The following BCAR3 variants were observed in gnomAD, a reference collection of about 807,000 sequenced individuals.
BCAR3 encodes breast cancer anti-estrogen resistance protein 3.
A neutral mutation model predicts 80.1 loss-of-function variants in BCAR3; 37 were observed. The ratio of observed to expected loss-of-function variants is 0.46; its 90% confidence interval spans 0.36 to 0.61. The LOEUF is 0.61. BCAR3 is among the 20% of genes least tolerant of loss of function. The pLI, the probability that BCAR3 is intolerant of heterozygous loss-of-function variation, is 0.00. For synonymous variants in BCAR3, 389 were observed against 418.9 expected (o/e 0.93, Z 0.87); for missense variants, 978 against 1,068.2 (o/e 0.92, Z 1.18).
chr1:93,768,564 C>T (rs928155982), intron 2 of BCAR3, among the ~76,000 whole-genome samples: 2 of 152,134 alleles, frequency 1.3e-5, no homozygotes, highest in African/African-American at 4.8e-5. Context: ...ACTAGGAGAA[C>T]TTAAAACCGG....
At chr1:93,701,281 C>T (rs115113230) in intron 3 of BCAR3, among the ~76,000 whole-genome samples, 1,907 of 152,314 alleles carry the variant, frequency 0.013, 16 homozygotes, top group Non-Finnish European at 0.019. Flanking sequence ...TCCGCTGTCA[C>T]TGGTTCCCTT....
chr1:93,821,873 T>G (rs1654235005), intron 2 of BCAR3, among the ~76,000 whole-genome samples: 1 of 152,222 alleles, frequency 6.6e-6, no homozygotes, highest in Non-Finnish European at 1.5e-5. Flanking sequence ...TTAAATATCT[T>G]GCCTGAGGTC....
intron 2 of BCAR3, among the ~76,000 whole-genome samples, chr1:93,752,458 T>C (rs547464601): frequency 2.0e-5 from 3 of 152,318 alleles, no homozygotes; most frequent in Non-Finnish European, 4.4e-5. Flanking sequence ...GCTGCAGACA[T>C]TTGTCCTCAA....
intron 2 of BCAR3, among the ~76,000 whole-genome samples, chr1:93,804,964 T>G (rs1255411277): frequency 1.3e-5 from 2 of 152,248 alleles, no homozygotes; most frequent in Non-Finnish European, 2.9e-5. Context: ...CATGTTTAAT[T>G]TATTTTAAAA....
intron 2 of BCAR3, among the ~76,000 whole-genome samples, chr1:93,770,715 T>A (rs1232165566): frequency 6.6e-6 from 1 of 152,144 alleles, no homozygotes; most frequent in Non-Finnish European, 1.5e-5. Flanking sequence ...GTGGGAGAAC[T>A]AGTCATAGGC....
intron 2 of BCAR3, among the ~76,000 whole-genome samples, chr1:93,651,425 G>A (rs911940642): frequency 5.3e-5 from 8 of 152,228 alleles, no homozygotes; most frequent in African/African-American, 1.9e-4. Flanking sequence ...AAGCTAGCAT[G>A]TGAGAGCAGA....
intron 2 of BCAR3, among the ~76,000 whole-genome samples, chr1:93,752,361 C>A (rs531817148): frequency 6.6e-6 from 1 of 152,338 alleles, no homozygotes; most frequent in South Asian, 2.1e-4. Flanking sequence ...CCTTCCCAGG[C>A]TAGGGCCAAT....
chr1:93,738,217 A>G (rs1294082212), intron 2 of BCAR3, among the ~76,000 whole-genome samples: 3 of 152,180 alleles, frequency 2.0e-5, no homozygotes, highest in Non-Finnish European at 2.9e-5. Flanking sequence ...TAGTTTTTTC[A>G]TCTTCAAAGT....
At position 93,787,675 on chromosome 1, in the gene BCAR3, A is replaced by G. The variant is rs369518978; in HGVS notation, c.-63+57892T>C. ...TTTTATTCCACTGTGGTCTGAGAAG[A>G]TACTTGATATGATTTCAATTTTCTT... On this transcript the variant is annotated intron_variant, in intron 2 of 13. Transcript: ENST00000370244. Among the ~76,000 whole-genome samples, 40 of 152,248 alleles carry G rather than the reference A, an allele frequency of 2.6e-4. 3 individuals carry two copies. Among genetic ancestry groups the G allele is most frequent in the Admixed American group, 1.2e-3 (19 of 15,292 alleles).
intron 3 of BCAR3, among the ~76,000 whole-genome samples, chr1:93,621,437 A>G (rs1675306595): frequency 6.6e-6 from 1 of 152,144 alleles, no homozygotes; most frequent in South Asian, 2.1e-4. Context: ...CGTGACCAAA[A>G]AATTCCTTCT....
At chr1:93,666,723 T>C (rs1330287992) in intron 2 of BCAR3, among the ~76,000 whole-genome samples, 1 of 152,090 alleles carries the variant, frequency 6.6e-6, no homozygotes, top group Admixed American at 6.5e-5. Context: ...ACAGGCTCTG[T>C]TTTGTGTATT....
intron 3 of BCAR3, among the ~76,000 whole-genome samples, chr1:93,698,214 C>T (rs981168102): frequency 3.3e-5 from 5 of 152,156 alleles, no homozygotes; most frequent in African/African-American, 9.7e-5. Flanking sequence ...CAACTGGGGG[C>T]TGAAATCTAG....
chr1:93,733,825 A>G (rs1263751064), intron 2 of BCAR3, among the ~76,000 whole-genome samples: 1 of 152,238 alleles, frequency 6.6e-6, no homozygotes, highest in African/African-American at 2.4e-5. Context: ...GGGGACTAGT[A>G]TAAAGGTTAT....
At chr1:93,680,323 AAGTTGG>A (rs1466050093) in intron 1 of BCAR3, among the ~76,000 whole-genome samples, 3 of 152,162 alleles carry the variant, frequency 2.0e-5, no homozygotes, top group Admixed American at 1.3e-4. Flanking sequence ...ACTTTAGAGA[AAGTTGG>A]AGTTGGAGTG....
At chr1:93,711,129 T>C (rs770025448) in intron 2 of BCAR3, among the ~76,000 whole-genome samples, 6 of 152,228 alleles carry the variant, frequency 3.9e-5, no homozygotes, top group African/African-American at 1.4e-4. Flanking sequence ...TGCAGGCTTT[T>C]GTGAACTAAT....
chr1:93,571,856 A>G lies in BCAR3; in HGVS notation c.1803-15T>C. 1.2e-6 allele frequency: 2 copies of G among 1,608,744 alleles called. No individual in the cohort carries two copies. The highest frequency in any genetic ancestry group is 2.2e-5 in the South Asian group (2 of 90,570). On this transcript the variant is annotated splice_polypyrimidine_tract_variant and intron_variant, in intron 8 of 11. Coordinates refer to ENST00000260502, the MANE Select transcript of BCAR3 (RefSeq NM_003567.4). ...TTGTGTTGTGTCTGAAAGCCAGGAGATCAGCGGTCAGGTTCAGGGCCAATG... is the reference window on the plus strand; with the variant it reads ...TTGTGTTGTGTCTGAAAGCCAGGAGGTCAGCGGTCAGGTTCAGGGCCAATG...
At chr1:93,590,069 G>A (rs1570940665) in intron 4 of BCAR3, among the ~76,000 whole-genome samples, 1 of 152,164 alleles carries the variant, frequency 6.6e-6, no homozygotes, top group Admixed American at 6.5e-5. Flanking sequence ...CCACATGCAG[G>A]ACTGGGGTAT....
intron 2 of BCAR3, among the ~76,000 whole-genome samples, chr1:93,764,894 A>C (rs1043264840): frequency 6.6e-6 from 1 of 152,166 alleles, no homozygotes; most frequent in African/African-American, 2.4e-5. Flanking sequence ...GGTCTACCCC[A>C]GGCCACATCC....
intron 3 of BCAR3, among the ~76,000 whole-genome samples, chr1:93,692,391 A>G (rs116824806): frequency 0.013 from 1,905 of 152,312 alleles, 24 homozygotes; most frequent in Middle Eastern, 0.031. Context: ...ATTTCCAGAT[A>G]GTAACACAGT....
Sources: allele counts gnomAD v4.1 joint callset (sites outside exome capture counted in the v4.1 genomes callset), GRCh38; gene constraint gnomAD v4.1.1; transcripts MANE v1.5; gene names NCBI Gene and HGNC (gene_info 2026-07-23, HGNC 2026-07-21).